SNX29: variants seen among roughly 807,000 people sequenced by gnomAD.
SNX29 encodes the protein sorting nexin-29.
SNX29 carries 78 observed loss-of-function variants against 102.1 expected under a neutral mutation model. The ratio of observed to expected loss-of-function variants is 0.76; its 90% CI spans 0.64 to 0.92. The LOEUF (loss-of-function observed/expected upper bound fraction) is 0.92, where lower values mean the gene tolerates loss of function less well. SNX29 is among the 40% of genes least tolerant of loss of function. SNX29 has a pLI of 0.00. For synonymous variants in SNX29, 580 were observed against 414.5 expected, an observed-to-expected ratio of 1.40 and a Z score of -4.85; for missense variants, 1,280 against 1,061.7, an observed-to-expected ratio of 1.21 and a Z score of -2.86.
intron 20 of SNX29, among the ~76,000 whole-genome samples, chr16:12,543,514 A>G (rs1449713779): frequency 6.6e-6 from 1 of 152,148 alleles, no homozygotes; most frequent in Admixed American, 6.5e-5. Context: ...GTCATTGTGT[A>G]AGAAGCTTGT....
intron 20 of SNX29, among the ~76,000 whole-genome samples, chr16:12,554,075 C>A (rs537111584): frequency 3.9e-5 from 6 of 152,210 alleles, no homozygotes; most frequent in Non-Finnish European, 7.3e-5. Context: ...ATCCTCTCAC[C>A]TTGGCCTCCC....
At chr16:12,371,574 G>C (rs1169032725) in intron 16 of SNX29, among the ~76,000 whole-genome samples, 2 of 152,160 alleles carry the variant, frequency 1.3e-5, no homozygotes, top group East Asian at 3.8e-4. Flanking sequence ...CAAAGTGCTG[G>C]GATTATAGGC....
At position 12,275,881 on chromosome 16, in the gene SNX29, GTTTT is replaced by G. The variant is rs34099498; in HGVS notation, c.1679-2034_1679-2031del. On this transcript the variant is annotated intron_variant, in intron 14 of 20. Coordinates refer to ENST00000566228, the MANE Select transcript of SNX29 (RefSeq NM_032167.5). ...TCACCTCATAGGAAACATTTTAATTGTTTTTTTTTTTTTTTTTTTTTGGGGGGCG... is the reference window on the plus strand; with the variant it reads ...TCACCTCATAGGAAACATTTTAATTGTTTTTTTTTTTTTTTTTGGGGGGCG... Among the ~76,000 whole-genome samples the G allele has an allele frequency of 1.7e-3, 180 of 104,068 alleles. 2 individuals are homozygous for G. The highest frequency in any genetic ancestry group is 5.9e-3 in the African/African-American group (157 of 26,726). 68.3% of individuals were successfully genotyped at this position (104,068 alleles called of 152,430 possible).
At chr16:12,042,217 G>A (rs1265471917) in intron 4 of SNX29, among the ~76,000 whole-genome samples, 1 of 152,124 alleles carries the variant, frequency 6.6e-6, no homozygotes, top group Non-Finnish European at 1.5e-5. Flanking sequence ...TTTTAGTAGA[G>A]ATGGGGTTTT....
At chr16:12,551,638 G>A (rs1164752989) in intron 20 of SNX29, among the ~76,000 whole-genome samples, 1 of 152,200 alleles carries the variant, frequency 6.6e-6, no homozygotes, top group Non-Finnish European at 1.5e-5. Context: ...AACCCAGCAA[G>A]TATTTTCTGA....
At chr16:12,562,566 G>A (rs576513896) in intron 20 of SNX29, among the ~76,000 whole-genome samples, 1 of 152,298 alleles carries the variant, frequency 6.6e-6, no homozygotes, top group African/African-American at 2.4e-5. Flanking sequence ...TGTCCCCGTG[G>A]TCCCTAGTTT....
chr16:12,568,417 C>CCTG, intron 20 of SNX29, 89 bp from the exon 21 acceptor site: 1 of 1,553,208 alleles, frequency 6.4e-7, no homozygotes. Flanking sequence ...TCAGATCCCT[C>CCTG]CTGCCCTCAC....
chr16:12,543,836 G>A (rs990242228), intron 20 of SNX29, among the ~76,000 whole-genome samples: 2 of 152,228 alleles, frequency 1.3e-5, no homozygotes, highest in Non-Finnish European at 1.5e-5. Flanking sequence ...CTTCGTATTT[G>A]GAAGAGAGAA....
intron 19 of SNX29, among the ~76,000 whole-genome samples, chr16:12,523,305 C>G (rs1288437700): frequency 1.3e-5 from 2 of 152,258 alleles, no homozygotes; most frequent in East Asian, 3.8e-4. Context: ...GCAGTTTCCT[C>G]ATCTGTTACG....
chr16:12,500,708 G>A (rs2089077524), intron 19 of SNX29, among the ~76,000 whole-genome samples: 1 of 152,242 alleles, frequency 6.6e-6, no homozygotes, highest in African/African-American at 2.4e-5. Flanking sequence ...CTGAGAGCTT[G>A]TCGGATGTGC....
chr16:12,268,091 G>C (rs942627896), intron 14 of SNX29, among the ~76,000 whole-genome samples: 4 of 152,308 alleles, frequency 2.6e-5, no homozygotes, highest in Admixed American at 2.6e-4. Flanking sequence ...TCTCTGCTCA[G>C]ACAGCTCCTC....
intron 5 of SNX29, among the ~76,000 whole-genome samples, chr16:12,045,009 A>C (rs2050029392): frequency 6.6e-6 from 1 of 152,232 alleles, no homozygotes; most frequent in Admixed American, 6.5e-5. Flanking sequence ...AGCAGGTAAG[A>C]ATCACAGTTG....
At chr16:12,090,675 G>C (rs1045511493) in intron 11 of SNX29, among the ~76,000 whole-genome samples, 2 of 152,144 alleles carry the variant, frequency 1.3e-5, no homozygotes, top group Non-Finnish European at 2.9e-5. Context: ...CCATCCGTAA[G>C]TTCATTCCTA....
chr16:12,478,925 A>G (rs917577313), intron 19 of SNX29, among the ~76,000 whole-genome samples: 2 of 152,102 alleles, frequency 1.3e-5, no homozygotes, highest in Admixed American at 6.6e-5. Context: ...CACTTCATCA[A>G]TTTCGGTATG....
chr16:12,285,564 C>T (rs2079568891), intron 15 of SNX29, among the ~76,000 whole-genome samples: 2 of 151,770 alleles, frequency 1.3e-5, no homozygotes, highest in African/African-American at 2.4e-5. Flanking sequence ...CACTCATAAT[C>T]ACACGCTGTA....
intron 3 of SNX29, among the ~76,000 whole-genome samples, chr16:12,007,387 C>G (rs1393302482): frequency 6.6e-6 from 1 of 151,934 alleles, no homozygotes; most frequent in African/African-American, 2.4e-5. Context: ...CACCTGTAAT[C>G]CCAGCTACTC....
intron 9 of SNX29, among the ~76,000 whole-genome samples, chr16:12,068,574 C>T (rs370941897): frequency 4.0e-5 from 6 of 151,720 alleles, no homozygotes; most frequent in East Asian, 3.9e-4. Flanking sequence ...AATGGAGCTT[C>T]GCTCTTGTTG....
Position 12,096,346 on chromosome 16 carries a change from C to T in SNX29, c.1402+17431C>T, listed in dbSNP as rs756819142. 3.9e-5 allele frequency among the ~76,000 whole-genome samples: 6 copies of T among 152,226 alleles called. No homozygotes were observed. The highest frequency in any genetic ancestry group is 7.3e-5 in the Non-Finnish European group (5 of 68,042). ...TTCACCAAACATTTACCAAACATCT[C>T]TCATGTGCTGGGCGCAGTTCTAGGT... On this transcript the variant is annotated intron_variant, in intron 11 of 20. Transcript: ENST00000566228. The surrounding 1 kb of genome is among the most constrained non-coding windows in gnomAD (Gnocchi z 4.2).
chr16:12,437,728 C>T (rs2085601383), intron 18 of SNX29, among the ~76,000 whole-genome samples: 1 of 152,180 alleles, frequency 6.6e-6, no homozygotes, highest in African/African-American at 2.4e-5. Flanking sequence ...TTTATCTCCA[C>T]CATCTTCCCC....
Sources: allele counts gnomAD v4.1 joint callset (sites outside exome capture counted in the v4.1 genomes callset), GRCh38; gene constraint gnomAD v4.1.1; non-coding constraint Gnocchi (gnomAD v3.1); transcripts MANE v1.5; gene names NCBI Gene and HGNC (gene_info 2026-07-23, HGNC 2026-07-21).